HPGDS: variants seen among roughly 807,000 people sequenced by gnomAD.
HPGDS encodes the protein GST class-sigma.
HPGDS carries 26 observed loss-of-function variants against 23.1 expected under a neutral mutation model. That is an observed-to-expected ratio of 1.13 (90% CI 0.83 to 1.56). The LOEUF (loss-of-function observed/expected upper bound fraction) is 1.56, where lower values mean the gene tolerates loss of function less well. Among genes scored for constraint, HPGDS ranks in the 40% most tolerant of loss-of-function variants. The pLI is 0.00. For missense variants in HPGDS, 268 were observed against 236.4 expected, an observed-to-expected ratio of 1.13 and a Z score of -0.88; for synonymous variants, 95 against 77.9, an observed-to-expected ratio of 1.22 and a Z score of -1.16.
At chr4:94,330,304 G>A (rs185625219) in intron 2 of HPGDS, among the ~76,000 whole-genome samples, 7 of 152,194 alleles carry the variant, frequency 4.6e-5, no homozygotes, top group African/African-American at 1.4e-4. Flanking sequence ...AAACTAACAA[G>A]GAAGTTCCAA....
intron 3 of HPGDS, among the ~76,000 whole-genome samples, chr4:94,312,544 G>A (rs1463165191): frequency 6.6e-6 from 1 of 152,196 alleles, no homozygotes; most frequent in Non-Finnish European, 1.5e-5. Flanking sequence ...TTGCTGAGGA[G>A]TGCTTTACTT....
At position 94,335,071 on chromosome 4, in the gene HPGDS, A is replaced by T. The variant is rs560187299; in HGVS notation, c.-9-433T>A. Among the ~76,000 whole-genome samples the T allele has an allele frequency of 2.6e-5, 4 of 152,332 alleles. No individual in the cohort carries two copies. The East Asian group carries it at 7.7e-4, about 29-fold the overall frequency. ...TCAGAGTTTATGAGGACATCTGGGT[A>T]AGGACAGCCAAGGGCTGGGCACATG... On this transcript the variant is annotated intron_variant, in intron 1 of 5. Transcript: ENST00000295256.
intron 2 of HPGDS, among the ~76,000 whole-genome samples, chr4:94,319,883 G>A (rs955436037): frequency 1.3e-5 from 2 of 152,082 alleles, no homozygotes; most frequent in Non-Finnish European, 2.9e-5. Flanking sequence ...TTTACATTAG[G>A]TATATCTCCT....
At chr4:94,324,304 C>G (rs1018414673) in intron 2 of HPGDS, among the ~76,000 whole-genome samples, 3 of 152,088 alleles carry the variant, frequency 2.0e-5, no homozygotes, top group African/African-American at 7.2e-5. Context: ...TGCATGTTGG[C>G]CTGTCTTGCT....
intron 1 of HPGDS, among the ~76,000 whole-genome samples, chr4:94,335,026 G>A (rs1401138944): frequency 1.3e-5 from 2 of 152,104 alleles, no homozygotes; most frequent in African/African-American, 4.8e-5. Flanking sequence ...TGCCTGTTTT[G>A]TTTGCCCTTG....
intron 2 of HPGDS, among the ~76,000 whole-genome samples, chr4:94,321,784 G>A (rs1420969658): frequency 2.0e-5 from 3 of 152,152 alleles, no homozygotes; most frequent in Admixed American, 6.5e-5. Context: ...GCTCTTGTCA[G>A]AACTTCCAAC....
intron 2 of HPGDS, among the ~76,000 whole-genome samples, chr4:94,318,768 A>G (rs563120177): frequency 3.3e-5 from 5 of 152,266 alleles, no homozygotes; most frequent in Admixed American, 6.5e-5. Flanking sequence ...GCTGGAGTGC[A>G]GTGGTGCGAT....
At chr4:94,308,350 C>T (rs890603523) in intron 4 of HPGDS, among the ~76,000 whole-genome samples, 2 of 151,866 alleles carry the variant, frequency 1.3e-5, no homozygotes, top group Non-Finnish European at 2.9e-5. Context: ...TACAATTGGT[C>T]AATCAGAGGA....
At chr4:94,303,996 CAT>C (rs1271613586) in intron 4 of HPGDS, 2 of 151,296 alleles carry the variant, frequency 1.3e-5, no homozygotes, top group Non-Finnish European at 2.9e-5. Context: ...ACCAAAATAA[CAT>C]AAAGAAGATA....
intron 2 of HPGDS, among the ~76,000 whole-genome samples, chr4:94,321,148 C>T (rs949623509): frequency 3.9e-5 from 6 of 152,170 alleles, no homozygotes; most frequent in Middle Eastern, 3.2e-3. Context: ...CAGTACCATG[C>T]TGTTTTGGTT....
At chr4:94,338,389 C>T (rs1249476511) in intron 1 of HPGDS, among the ~76,000 whole-genome samples, 1 of 152,198 alleles carries the variant, frequency 6.6e-6, no homozygotes, top group Non-Finnish European at 1.5e-5. Flanking sequence ...CGCGACACTT[C>T]ACTCCAGCCT....
At chr4:94,330,327 A>G (rs1362397549) in intron 2 of HPGDS, among the ~76,000 whole-genome samples, 2 of 152,212 alleles carry the variant, frequency 1.3e-5, no homozygotes, top group African/African-American at 4.8e-5. Flanking sequence ...TTTGTTAACT[A>G]GTTAGAGGTA....
At chr4:94,303,982 A>G (rs915865875) in intron 4 of HPGDS, 1 of 152,080 alleles carries the variant, frequency 6.6e-6, no homozygotes, top group Non-Finnish European at 1.5e-5. Context: ...TTAAAGTACA[A>G]TCAACCAAAA....
chr4:94,334,928 C>T (rs1297490007), intron 1 of HPGDS, among the ~76,000 whole-genome samples: 3 of 152,156 alleles, frequency 2.0e-5, no homozygotes, highest in African/African-American at 7.2e-5. Context: ...ACACCCCAAC[C>T]TTCAGAGCAT....
chr4:94,315,301 TTAAC>T (rs1196446490), intron 3 of HPGDS, among the ~76,000 whole-genome samples: 1 of 152,226 alleles, frequency 6.6e-6, no homozygotes, highest in African/African-American at 2.4e-5. Context: ...CACAATTTAT[TTAAC>T]TAGCCTCAAC....
At chr4:94,305,439 T>G (rs1756122214) in intron 4 of HPGDS, among the ~76,000 whole-genome samples, 1 of 152,142 alleles carries the variant, frequency 6.6e-6, no homozygotes, top group South Asian at 2.1e-4. Flanking sequence ...TACTTTTGTG[T>G]CCGGATATCT....
chr4:94,324,348 A>G (rs1024622340), intron 2 of HPGDS, among the ~76,000 whole-genome samples: 1 of 152,074 alleles, frequency 6.6e-6, no homozygotes, highest in Non-Finnish European at 1.5e-5. Context: ...AATATACTGG[A>G]GTGTTTTCCA....
intron 2 of HPGDS, among the ~76,000 whole-genome samples, chr4:94,332,164 A>T (rs73836720): frequency 2.9e-3 from 447 of 152,078 alleles, no homozygotes; most frequent in African/African-American, 0.01. Flanking sequence ...CGGAGGAGAG[A>T]TGACTTGACT....
At position 94,299,185 on chromosome 4, in the gene HPGDS, C is replaced by T. The variant is rs1168422636; in HGVS notation, c.*295G>A. 1.7e-5 allele frequency: 4 copies of T among 239,872 alleles called. No homozygotes were observed. Among genetic ancestry groups the T allele is most frequent in the Non-Finnish European group, 2.4e-5 (3 of 124,794 alleles). 14.9% of individuals were successfully genotyped at this position (239,872 alleles called of 1,614,324 possible). A position where few individuals can be genotyped will look rare whatever the true frequency, so the allele number is the denominator to read the frequency against. ...TTGGGGGAGGGGAAGAATGGTGTTG[C>T]TAAACCATTATGACTGCAATTCGTG... On this transcript the variant is annotated 3_prime_UTR_variant, in exon 6 of 6. Coordinates refer to ENST00000295256, the MANE Select transcript of HPGDS (RefSeq NM_014485.3).
Sources: gnomAD v4.1 joint callset for allele counts (sites outside exome capture counted in the v4.1 genomes callset) on GRCh38, gnomAD v4.1.1 for gene constraint, MANE v1.5 for transcripts, NCBI Gene and HGNC (gene_info 2026-07-23, HGNC 2026-07-21) for gene names.